The following AHCYL2 variants were observed in gnomAD, a reference collection of about 807,000 sequenced individuals.
AHCYL2 encodes the protein adenosylhomocysteinase like 2.
In AHCYL2, 28 loss-of-function variants were observed where a neutral mutation model predicts 81.4. The observed-to-expected ratio is 0.34, with a 90% CI of 0.25 to 0.47. The LOEUF is 0.47. Among genes scored for constraint, AHCYL2 ranks in the 20% least tolerant of loss-of-function variants. The pLI is 1.00. For synonymous variants in AHCYL2, 272 were observed against 290.2 expected (o/e 0.94, Z 0.64); for missense variants, 551 against 785.1 (o/e 0.70, Z 3.56).
intron 13 of AHCYL2, among the ~76,000 whole-genome samples, chr7:129,424,381 C>T (rs1797259406): frequency 6.6e-6 from 1 of 151,992 alleles, no homozygotes; most frequent in Non-Finnish European, 1.5e-5. Flanking sequence ...GCCTGGGCAA[C>T]AGAGGGAGAC....
intron 1 of AHCYL2, among the ~76,000 whole-genome samples, chr7:129,318,787 A>ATT (rs57502201): frequency 2.0e-5 from 3 of 147,566 alleles, no homozygotes; most frequent in South Asian, 4.3e-4. Flanking sequence ...AATAGACTGT[A>ATT]TTTTTTTTTT....
intron 1 of AHCYL2, among the ~76,000 whole-genome samples, chr7:129,320,420 G>T (rs1247823364): frequency 6.6e-6 from 1 of 152,114 alleles, no homozygotes; most frequent in Non-Finnish European, 1.5e-5. Flanking sequence ...GGGTTCAAGC[G>T]ATTCTCCTGT....
chr7:129,393,125 AT>A (rs1795549589), intron 4 of AHCYL2, among the ~76,000 whole-genome samples: 1 of 152,154 alleles, frequency 6.6e-6, no homozygotes, highest in Non-Finnish European at 1.5e-5. Context: ...TATAATTAAT[AT>A]GTTTTTTGGG....
intron 1 of AHCYL2, chr7:129,283,538 A>G (rs971046115): frequency 1.1e-5 from 4 of 360,870 alleles, no homozygotes; most frequent in African/African-American, 4.3e-5. Flanking sequence ...CTAAATGGAT[A>G]TATTTGCCAA....
chr7:129,241,656 C>A (rs1794860068), intron 1 of AHCYL2, among the ~76,000 whole-genome samples: 1 of 152,144 alleles, frequency 6.6e-6, no homozygotes, highest in Non-Finnish European at 1.5e-5. Context: ...AAAGTGTACT[C>A]ATTATCCAGT....
At chr7:129,249,529 C>T (rs1253643191) in intron 1 of AHCYL2, among the ~76,000 whole-genome samples, 2 of 152,002 alleles carry the variant, frequency 1.3e-5, no homozygotes, top group African/African-American at 4.8e-5. Flanking sequence ...GGGTTCACGC[C>T]ATTCTCCTGC....
At chr7:129,387,698 CTG>C (rs1029116299) in intron 2 of AHCYL2, among the ~76,000 whole-genome samples, 1 of 152,172 alleles carries the variant, frequency 6.6e-6, no homozygotes, top group African/African-American at 2.4e-5. Flanking sequence ...TCCCAGAAAG[CTG>C]TGTCTGGGTT....
intron 7 of AHCYL2, among the ~76,000 whole-genome samples, chr7:129,404,651 GACA>G (rs1282155989): frequency 6.6e-6 from 1 of 152,176 alleles, no homozygotes; most frequent in East Asian, 1.9e-4. Flanking sequence ...CTCCAGCGGG[GACA>G]ACAAGAGTGA....
chr7:129,340,495 G>A (rs970123808), intron 1 of AHCYL2, among the ~76,000 whole-genome samples: 2 of 150,494 alleles, frequency 1.3e-5, no homozygotes, highest in Non-Finnish European at 3.0e-5. Flanking sequence ...GTGAACTCGG[G>A]AGGCGGAACT....
At chr7:129,336,002 T>G (rs1166970981) in intron 1 of AHCYL2, among the ~76,000 whole-genome samples, 1 of 152,018 alleles carries the variant, frequency 6.6e-6, no homozygotes, top group Non-Finnish European at 1.5e-5. Flanking sequence ...CTATTGAGAA[T>G]AGCACATAAG....
chr7:129,234,371 A>G (rs148479571), intron 1 of AHCYL2, among the ~76,000 whole-genome samples: 62 of 152,242 alleles, frequency 4.1e-4, no homozygotes, highest in African/African-American at 1.3e-3. Flanking sequence ...CGGCCTCTCA[A>G]GTAGCTGGGA....
intron 12 of AHCYL2, among the ~76,000 whole-genome samples, chr7:129,415,475 T>C (rs1015770589): frequency 3.3e-5 from 5 of 152,180 alleles, no homozygotes; most frequent in African/African-American, 1.2e-4. Flanking sequence ...TAATTTTCAG[T>C]TGGGAAACTA....
intron 1 of AHCYL2, among the ~76,000 whole-genome samples, chr7:129,253,134 G>A (rs561237624): frequency 2.7e-4 from 41 of 151,968 alleles, no homozygotes; most frequent in Non-Finnish European, 4.7e-4. Flanking sequence ...GTGAACCCAG[G>A]AGGTGGAGGT....
intron 1 of AHCYL2, among the ~76,000 whole-genome samples, chr7:129,254,279 G>A (rs1795336359): frequency 6.6e-6 from 1 of 152,110 alleles, no homozygotes; most frequent in Non-Finnish European, 1.5e-5. Context: ...TAGGTACAAA[G>A]CACCATTAAT....
In AHCYL2 at chr7:129,425,194, G is replaced by A; in HGVS notation, c.1708+53G>A. ...CTTACCAAAGTAGTTCAGAGTCTGA[G>A]GTTAAAGGAAGTTTGGGGGCATTAA... On this transcript the variant is annotated intron_variant, in intron 15 of 16. Transcript: ENST00000325006. 2.6e-6 allele frequency: 4 copies of A among 1,547,444 alleles called. No homozygotes were observed. The South Asian group carries it at 3.4e-5, about 13-fold the overall frequency.
chr7:129,353,918 G>T lies in AHCYL2; in HGVS notation c.364-25720G>T, dbSNP rs189124332. 2.0e-5 allele frequency among the ~76,000 whole-genome samples: 3 copies of T among 151,908 alleles called. No individual in the cohort carries two copies. In the East Asian group the frequency reaches 5.8e-4, roughly 29 times the overall value. On this transcript the variant is annotated intron_variant, in intron 1 of 16. Transcript: ENST00000325006. Reference sequence around the variant, plus strand: ...CAAAGGAAATATGAGTATAATATCAGAAAAGCCAAAGGAAGAGAGTCTTTC... The same window carrying T: ...CAAAGGAAATATGAGTATAATATCATAAAAGCCAAAGGAAGAGAGTCTTTC...
At position 129,286,231 on chromosome 7, in the gene AHCYL2, G is replaced by A. The variant is rs148437126; in HGVS notation, c.363+60792G>A. On this transcript the variant is annotated intron_variant, in intron 1 of 16. Transcript: ENST00000325006. ...AGTAGTTCTCAAACTTTTTTGTCTC[G>A]GGGCCCTTTACACTCTTTATTTTTT... Among the ~76,000 whole-genome samples the A allele has an allele frequency of 1.9e-3, 285 of 151,852 alleles. 1 individual carries two copies. Among genetic ancestry groups the A allele is most frequent in the African/African-American group, 5.6e-3 (232 of 41,452 alleles).
chr7:129,283,754 G>A (rs1296601161), intron 1 of AHCYL2, among the ~76,000 whole-genome samples: 1 of 152,030 alleles, frequency 6.6e-6, no homozygotes, highest in Non-Finnish European at 1.5e-5. Context: ...CAGGCCCTGA[G>A]GTCTGAACTC....
intron 1 of AHCYL2, among the ~76,000 whole-genome samples, chr7:129,372,857 T>C (rs1794478089): frequency 6.6e-6 from 1 of 152,106 alleles, no homozygotes; most frequent in Non-Finnish European, 1.5e-5. Context: ...CTCATTGTAT[T>C]CTCTGACCTT....
Sources: gnomAD v4.1 joint callset for allele counts (sites outside exome capture counted in the v4.1 genomes callset) on GRCh38, gnomAD v4.1.1 for gene constraint, MANE v1.5 for transcripts, NCBI Gene and HGNC (gene_info 2026-07-23, HGNC 2026-07-21) for gene names.